Variants in UPF3A observed in about 807,000 individuals in gnomAD.
The protein encoded by UPF3A is regulator of nonsense transcripts 3A.
Under a neutral mutation model 53.5 loss-of-function variants are expected in UPF3A, and 42 were observed. The ratio of observed to expected loss-of-function variants is 0.78; its 90% CI spans 0.61 to 1.01. The LOEUF is 1.01. Among genes scored for constraint, UPF3A ranks in the 50% least tolerant of loss-of-function variants. The pLI, the probability that UPF3A is intolerant of heterozygous loss-of-function variation, is 0.00. For synonymous variants in UPF3A, 237 were observed against 225.3 expected (o/e 1.05, Z -0.47); for missense variants, 575 against 598.0 (o/e 0.96, Z 0.40).
intron 2 of UPF3A, chr13:114,282,522 A>T (rs1302381038): frequency 1.0e-6 from 1 of 985,314 alleles, no homozygotes; most frequent in East Asian, 1.1e-4. Flanking sequence ...TAAATACCGG[A>T]GAAGGTCCCC....
chr13:114,282,455 C>G lies in UPF3A; in HGVS notation c.314+328C>G, dbSNP rs1011114573. ...GTCCGCGGACGGGGCGCTGCGGGGC[C>G]GGGGGGCGCCGGCTCTTCCTGTGGC... On this transcript the variant is annotated intron_variant, in intron 2 of 9. Transcript: ENST00000375299. 1.6e-5 allele frequency: 16 copies of G among 985,248 alleles called. No individual in the cohort carries two copies. The African/African-American group carries it at 2.6e-4, about 16-fold the overall frequency. 61.0% of individuals were successfully genotyped at this position (985,248 alleles called of 1,614,324 possible). A position where few individuals can be genotyped will look rare whatever the true frequency, so the allele number is the denominator to read the frequency against.
intron 3 of UPF3A, 52 bp from the exon 4 acceptor site, chr13:114,286,250 T>C: frequency 1.2e-6 from 2 of 1,601,124 alleles, no homozygotes; most frequent in Non-Finnish European, 1.7e-6. Flanking sequence ...TTTTCCGAAA[T>C]GAATGTAGTA....
At chr13:114,290,476 G>A (rs1054882862) in intron 5 of UPF3A, among the ~76,000 whole-genome samples, 2 of 152,156 alleles carry the variant, frequency 1.3e-5, no homozygotes, top group Non-Finnish European at 2.9e-5. Flanking sequence ...AGTAGACCCC[G>A]TCTTCCCCCT....
At chr13:114,285,306 C>T (rs2084569732) in intron 3 of UPF3A, 1 of 152,260 alleles carries the variant, frequency 6.6e-6, no homozygotes, top group African/African-American at 2.4e-5. Context: ...TGTCTGTCTA[C>T]ATGGCAGTAC....
In UPF3A at chr13:114,283,093, G is replaced by A. The variant is rs147404070; in HGVS notation, c.421+150G>A. ...GCTGGAGTGCAGCAGCCGCAATCAC[G>A]GCTCACTGCAGCCTCACACTGCGGC... On this transcript the variant is annotated intron_variant, in intron 3 of 9. Transcript: ENST00000375299. 8.3e-4 allele frequency: 497 copies of A among 595,478 alleles called. 3 individuals carry two copies. In the African/African-American group the frequency reaches 8.5e-3, roughly 10 times the overall value. 36.9% of individuals were successfully genotyped at this position (595,478 alleles called of 1,614,324 possible). A position where few individuals can be genotyped will look rare whatever the true frequency, so the allele number is the denominator to read the frequency against.
chr13:114,281,823 G>T lies in UPF3A; in HGVS notation c.184G>T (p.Glu62Ter). The T allele has an allele frequency of 3.9e-6, 6 of 1,544,860 alleles. No individual in the cohort carries two copies. Among genetic ancestry groups the T allele is most frequent in the Non-Finnish European group, 4.4e-6 (5 of 1,143,662 alleles). Residue 62 changes from glutamate to a stop codon, truncating the protein, a stop_gained, in exon 1 of 10, where the codon GAG (glutamate) becomes TAG (stop). Transcript: ENST00000375299. LOFTEE classifies it high-confidence loss of function. ...GGGCGGTGCGGGCAAACCTCGCGAG[G>T]AGAAGAGGACGGCCCTGAGCAAGGT... ...CGGGAGKPRE[E>*]KRTALSKVVI...
At chr13:114,286,217 T>C (rs2084673483) in intron 3 of UPF3A, 85 bp from the exon 4 acceptor site, 3 of 1,551,502 alleles carry the variant, frequency 1.9e-6, no homozygotes, top group Non-Finnish European at 2.6e-6. Context: ...TTACACTTAC[T>C]CTTTAAGTAA....
At chr13:114,294,982 G>A (rs1311990979) in intron 7 of UPF3A, among the ~76,000 whole-genome samples, 2 of 150,332 alleles carry the variant, frequency 1.3e-5, no homozygotes, top group African/African-American at 4.9e-5. Flanking sequence ...CGTGGTGGCG[G>A]GAGCCTGTAG....
chr13:114,285,194 CT>C (rs1306739261), intron 3 of UPF3A: 1 of 152,262 alleles, frequency 6.6e-6, no homozygotes, highest in Non-Finnish European at 1.5e-5. Context: ...AAAAGACTTT[CT>C]TTTCCCCATT....
At chr13:114,287,629 G>GT (rs1298468142) in intron 5 of UPF3A, 1 of 152,036 alleles carries the variant, frequency 6.6e-6, no homozygotes, top group African/African-American at 2.4e-5. Context: ...CAGCCACATT[G>GT]TTTATCATTT....
chr13:114,286,687 T>C lies in UPF3A; in HGVS notation c.631+58T>C, dbSNP rs1222190027. On this transcript the variant is annotated intron_variant, in intron 5 of 9. Coordinates refer to ENST00000375299, the MANE Select transcript of UPF3A (RefSeq NM_023011.4). ...TTGAGAGATTTACTCGTAGAGGATA[T>C]ACGTTTTTTCTCTTTTTCTTGACTG... The C allele has an allele frequency of 4.3e-6, 6 of 1,399,858 alleles. No individual in the cohort carries two copies. In the African/African-American group the frequency reaches 4.3e-5, roughly 10 times the overall value. 86.7% of individuals were successfully genotyped at this position (1,399,858 alleles called of 1,614,324 possible). A position where few individuals can be genotyped will look rare whatever the true frequency, so the allele number is the denominator to read the frequency against.
At chr13:114,294,405 G>A (rs925574356) in intron 7 of UPF3A, among the ~76,000 whole-genome samples, 6 of 151,818 alleles carry the variant, frequency 4.0e-5, no homozygotes, top group Non-Finnish European at 8.8e-5. Flanking sequence ...TTACAGGGGT[G>A]CAACATCATA....
chr13:114,283,139 C>G (rs1419216625), intron 3 of UPF3A, 196 bp downstream of exon 3: 2 of 479,646 alleles, frequency 4.2e-6, no homozygotes, highest in Non-Finnish European at 7.4e-6. Context: ...CTCCAGCCTC[C>G]TAGGTAGCAG....
intron 3 of UPF3A, chr13:114,283,347 T>A (rs2084321718): frequency 6.5e-6 from 1 of 153,638 alleles, no homozygotes; most frequent in South Asian, 1.9e-4. Context: ...TAAAAAGTTC[T>A]CAGACTAAAA....
intron 3 of UPF3A, 74 bp from the exon 4 acceptor site, chr13:114,286,228 G>A (rs1407111410): frequency 3.1e-6 from 5 of 1,588,208 alleles, no homozygotes; most frequent in Admixed American, 3.6e-5. Context: ...CTTTAAGTAA[G>A]TTAGGTCATT....
Position 114,301,948 on chromosome 13 carries a change from G to A in UPF3A, c.1225G>A (p.Glu409Lys), listed in dbSNP as rs766121292. Reference sequence around the variant, plus strand: ...GAGCCAGGACAGCGGGGCTCCGGGGGAGGCCATGGAGAGACTGGGAAGAGC... The same window carrying A: ...GAGCCAGGACAGCGGGGCTCCGGGGAAGGCCATGGAGAGACTGGGAAGAGC... Reference protein sequence around the residue: ...KGSQDSGAPGEAMERLGRAQR... With the variant: ...KGSQDSGAPGKAMERLGRAQR... Residue 409 changes from glutamate to lysine, a missense_variant, in exon 9 of 10, where the codon GAG (glutamate) becomes AAG (lysine). By Grantham distance (56) the Glu-to-Lys change is moderately conservative (BLOSUM62 1). Transcript: ENST00000375299. 5 of 1,610,392 alleles carry A rather than the reference G, an allele frequency of 3.1e-6. No homozygotes were observed. The highest frequency in any genetic ancestry group is 1.3e-5 in the African/African-American group (1 of 74,942).
chr13:114,286,956 C>G, intron 5 of UPF3A: 1 of 227,592 alleles, frequency 4.4e-6, no homozygotes, highest in Non-Finnish European at 8.7e-6. Flanking sequence ...TAGTTGAAGT[C>G]AGTGGTCACA....
At chr13:114,293,642 AC>A (rs1383116345) in intron 7 of UPF3A, among the ~76,000 whole-genome samples, 1 of 152,062 alleles carries the variant, frequency 6.6e-6, no homozygotes, top group Non-Finnish European at 1.5e-5. Context: ...TCAGTACTAA[AC>A]CTAGATTTGA....
chr13:114,281,959 G>A (rs1728614313), intron 1 of UPF3A, 62 bp from the exon 2 acceptor site: 1 of 1,465,304 alleles, frequency 6.8e-7, no homozygotes, highest in Non-Finnish European at 9.2e-7. Context: ...GCGGTACGCG[G>A]TGCCTTTTGA....
Sources: gnomAD v4.1 joint callset for allele counts (sites outside exome capture counted in the v4.1 genomes callset) on GRCh38, gnomAD v4.1.1 for gene constraint, MANE v1.5 for transcripts, NCBI Gene and HGNC (gene_info 2026-07-23, HGNC 2026-07-21) for gene names.